NCOA2: variants seen among roughly 807,000 people sequenced by gnomAD.
The protein encoded by NCOA2 is class E basic helix-loop-helix protein 75.
Under a neutral mutation model 145.1 loss-of-function variants are expected in NCOA2, and 21 were observed. That is an observed-to-expected ratio of 0.14 (90% confidence interval 0.10 to 0.21). The LOEUF is 0.21. NCOA2 is among the 10% of genes least tolerant of loss of function. The pLI is 1.00. For synonymous variants in NCOA2, 619 were observed against 637.5 expected (o/e 0.97, Z 0.44); for missense variants, 1,472 against 1,837.6 (o/e 0.80, Z 3.64).
intron 2 of NCOA2, among the ~76,000 whole-genome samples, chr8:70,254,192 A>T (rs1823435775): frequency 6.6e-6 from 1 of 152,222 alleles, no homozygotes. Flanking sequence ...GCACAATAAG[A>T]TACTACCTCA....
chr8:70,415,516 T>C, the NCOA2 span, among the ~76,000 whole-genome samples: 6 of 152,152 alleles, frequency 3.9e-5, no homozygotes, highest in Non-Finnish European at 7.4e-5. Context: ...AATCAATGAA[T>C]GAAGGGGTTG....
intron 1 of NCOA2, among the ~76,000 whole-genome samples, chr8:70,317,227 G>A (rs1425027357): frequency 2.0e-5 from 3 of 152,128 alleles, no homozygotes; most frequent in Admixed American, 6.6e-5. Context: ...CTTTGGTAGG[G>A]GGAAATCACT....
intron 2 of NCOA2, among the ~76,000 whole-genome samples, chr8:70,264,543 T>C (rs909453677): frequency 1.3e-5 from 2 of 152,198 alleles, no homozygotes; most frequent in Non-Finnish European, 2.9e-5. Flanking sequence ...TCAACCTATA[T>C]ACTTCAGGCT....
chr8:70,175,420 T>C (rs1814715987), intron 4 of NCOA2, among the ~76,000 whole-genome samples: 1 of 152,242 alleles, frequency 6.6e-6, no homozygotes, highest in Non-Finnish European at 1.5e-5. Flanking sequence ...TTCAAAGTGC[T>C]TCTCCATCTA....
At chr8:70,453,023 T>G in the NCOA2 span, among the ~76,000 whole-genome samples, 8 of 152,364 alleles carry the variant, frequency 5.3e-5, no homozygotes, top group African/African-American at 1.9e-4. Flanking sequence ...AAGGTCAGAC[T>G]GAAATTCTAA....
At chr8:70,271,525 CT>C (rs1825044842) in intron 2 of NCOA2, among the ~76,000 whole-genome samples, 3 of 152,150 alleles carry the variant, frequency 2.0e-5, no homozygotes, top group African/African-American at 7.2e-5. Flanking sequence ...AAACACTCAA[CT>C]TTTTAAGTTG....
the NCOA2 span, among the ~76,000 whole-genome samples, chr8:70,435,424 C>CAAAAAAAAAAA: frequency 4.4e-3 from 88 of 20,154 alleles, 11 homozygotes; most frequent in African/African-American, 0.012. Context: ...GACTCCGTCT[C>CAAAAAAAAAAA]AAAAAAAAAA....
chr8:70,128,128 T>C (rs936261695), intron 18 of NCOA2, among the ~76,000 whole-genome samples: 2 of 152,198 alleles, frequency 1.3e-5, no homozygotes, highest in African/African-American at 4.8e-5. Flanking sequence ...TGACCAGAGG[T>C]CTGCAGGAAC....
intron 4 of NCOA2, among the ~76,000 whole-genome samples, chr8:70,177,920 G>C (rs781284629): frequency 1.4e-4 from 22 of 152,136 alleles, no homozygotes; most frequent in Non-Finnish European, 2.9e-4. Context: ...TACTAATGTT[G>C]CATTTTTGGG....
intron 2 of NCOA2, among the ~76,000 whole-genome samples, chr8:70,270,079 G>A (rs1205845521): frequency 6.6e-6 from 1 of 152,112 alleles, no homozygotes; most frequent in Non-Finnish European, 1.5e-5. Context: ...CTACTGGGGA[G>A]GCTGCGGTGG....
Position 70,110,920 on chromosome 8 carries a change from G to T in NCOA2, c.*2712C>A. The stretch of plus-strand genomic sequence containing the variant: ...CATTTAGTAATATAAGTGAAACACT[G>T]ATTATTTGTTCTATTAAACAAAAAC... On this transcript the variant is annotated 3_prime_UTR_variant, in exon 23 of 23. Transcript: ENST00000452400. 4.5e-6 allele frequency: 1 copy of T among 221,660 alleles called. No homozygotes were observed. The allele number at this position is 221,660 out of a possible 1,614,324, so 13.7% of individuals were successfully genotyped here.
At chr8:70,138,650 G>A (rs1038735098) in intron 14 of NCOA2, among the ~76,000 whole-genome samples, 1 of 152,032 alleles carries the variant, frequency 6.6e-6, no homozygotes, top group Non-Finnish European at 1.5e-5. Flanking sequence ...TTGAGAAACA[G>A]AAAAAAGTGT....
intron 21 of NCOA2, among the ~76,000 whole-genome samples, chr8:70,122,767 A>T (rs1055577988): frequency 2.0e-5 from 3 of 152,228 alleles, no homozygotes; most frequent in Non-Finnish European, 4.4e-5. Flanking sequence ...AAATTTTCAC[A>T]AAAATTGTGG....
At chr8:70,250,159 A>G (rs1016542870) in intron 2 of NCOA2, among the ~76,000 whole-genome samples, 1 of 151,884 alleles carries the variant, frequency 6.6e-6, no homozygotes, top group African/African-American at 2.4e-5. Context: ...TGGGAGGCAG[A>G]GGCAGGTGGA....
At chr8:70,270,109 G>C (rs1824928046) in intron 2 of NCOA2, among the ~76,000 whole-genome samples, 1 of 151,998 alleles carries the variant, frequency 6.6e-6, no homozygotes, top group African/African-American at 2.4e-5. Context: ...TTGAGCCAGG[G>C]AGGTCGAGGC....
chr8:70,378,434 G>A (rs937999186), intron 1 of NCOA2, among the ~76,000 whole-genome samples: 4 of 152,056 alleles, frequency 2.6e-5, no homozygotes, highest in South Asian at 2.1e-4. Context: ...CTAACCCAAC[G>A]CCATTATAAA....
rs1806669049 is a variant in NCOA2 at position 70,112,921 on chromosome 8, TAACAAAGAAAA to T, written c.*700_*710del. On this transcript the variant is annotated 3_prime_UTR_variant, in exon 23 of 23. Transcript: ENST00000452400. ...TGATTCAGGTGAACCAGTTTGGTTT[TAACAAAGAAAA>T]AACAAGGAAAAAATATTTGCTAATG... 1 of 198,052 alleles carries T rather than the reference TAACAAAGAAAA, an allele frequency of 5.0e-6. No individual in the cohort carries two copies. The highest frequency in any genetic ancestry group is 1.0e-5 in the Non-Finnish European group (1 of 95,600). The allele number at this position is 198,052 out of a possible 1,614,324, so 12.3% of individuals were successfully genotyped here.
chr8:70,208,714 A>C (rs1177342384), intron 4 of NCOA2, among the ~76,000 whole-genome samples: 1 of 152,248 alleles, frequency 6.6e-6, no homozygotes, highest in Non-Finnish European at 1.5e-5. Context: ...GAAATAACAA[A>C]GACTGAATGT....
intron 1 of NCOA2, among the ~76,000 whole-genome samples, chr8:70,402,840 G>C (rs985650850): frequency 1.3e-5 from 2 of 148,882 alleles, no homozygotes; most frequent in Admixed American, 6.7e-5. Context: ...GTTCAGTCAG[G>C]GGCGAGCCCG....
Sources: gnomAD v4.1 joint callset for allele counts (sites outside exome capture counted in the v4.1 genomes callset) on GRCh38, gnomAD v4.1.1 for gene constraint, MANE v1.5 for transcripts, NCBI Gene and HGNC (gene_info 2026-07-23, HGNC 2026-07-21) for gene names.